The following ADAM12 variants were observed in gnomAD, a reference collection of about 807,000 sequenced individuals.
ADAM12 encodes the protein disintegrin and metalloproteinase domain-containing protein 12.
In ADAM12, 70 loss-of-function variants were observed where a neutral mutation model predicts 106.4. That is an observed-to-expected ratio of 0.66 (90% CI 0.54 to 0.80). The LOEUF is 0.80. ADAM12 is among the 30% of genes least tolerant of loss of function. ADAM12 has a pLI of 0.00. For missense variants in ADAM12, 1,010 were observed against 1,171.9 expected, an observed-to-expected ratio of 0.86 and a Z score of 2.02; for synonymous variants, 420 against 433.5, an observed-to-expected ratio of 0.97 and a Z score of 0.39.
At chr10:126,116,011 C>G (rs1014238748) in intron 6 of ADAM12, among the ~76,000 whole-genome samples, 15 of 152,206 alleles carry the variant, frequency 9.9e-5, no homozygotes, top group Non-Finnish European at 2.2e-4. Flanking sequence ...GGCATTGATG[C>G]CTTCCCTTTT....
rs556656260 is a variant in ADAM12, at chr10:126,039,446, G to A, written c.2105-17C>T. ...CTTGGTTATCTGAAACAAAACACATGGGGCTCACAGAAGGAGGCAGTTACA... is the reference window on the plus strand; with the variant it reads ...CTTGGTTATCTGAAACAAAACACATAGGGCTCACAGAAGGAGGCAGTTACA... On this transcript the variant is annotated splice_polypyrimidine_tract_variant and intron_variant, in intron 18 of 22. Coordinates refer to ENST00000448723, the MANE Select transcript of ADAM12 (RefSeq NM_001288973.2). The A allele has an allele frequency of 5.6e-5, 91 of 1,613,736 alleles. No individual in the cohort carries two copies. In the African/African-American group the frequency reaches 1.0e-3, roughly 18 times the overall value.
chr10:126,030,847 C>T (rs1953959611), intron 21 of ADAM12, among the ~76,000 whole-genome samples: 1 of 152,164 alleles, frequency 6.6e-6, no homozygotes, highest in Admixed American at 6.5e-5. Flanking sequence ...GGGGAATGGA[C>T]TCATTGTCAT....
chr10:126,297,378 AC>A (rs1386630100), intron 2 of ADAM12, among the ~76,000 whole-genome samples: 1 of 152,174 alleles, frequency 6.6e-6, no homozygotes, highest in African/African-American at 2.4e-5. Context: ...ACCCATCTCT[AC>A]AAAAAATTTT....
intron 2 of ADAM12, among the ~76,000 whole-genome samples, chr10:126,327,914 C>A (rs776048288): frequency 5.3e-5 from 8 of 152,152 alleles, no homozygotes; most frequent in African/African-American, 1.9e-4. Context: ...CTGTTGCTCC[C>A]GCATCACTCC....
At chr10:126,301,626 G>A (rs1960628025) in intron 2 of ADAM12, among the ~76,000 whole-genome samples, 1 of 152,118 alleles carries the variant, frequency 6.6e-6, no homozygotes, top group South Asian at 2.1e-4. Flanking sequence ...TTTTGGAGAA[G>A]CAGGTTGTAT....
intron 2 of ADAM12, among the ~76,000 whole-genome samples, chr10:126,319,466 C>T (rs983443836): frequency 2.6e-5 from 4 of 152,104 alleles, no homozygotes; most frequent in African/African-American, 9.7e-5. Flanking sequence ...AGCCCAGTCC[C>T]ATCATGAGAA....
chr10:126,359,264 G>A (rs753265769), intron 1 of ADAM12, among the ~76,000 whole-genome samples: 5 of 152,014 alleles, frequency 3.3e-5, no homozygotes, highest in African/African-American at 4.8e-5. Context: ...CTCCGAAATC[G>A]CATGTCCTCA....
chr10:126,251,590 AG>A (rs1781404302), intron 3 of ADAM12, among the ~76,000 whole-genome samples: 4 of 4,270 alleles, frequency 9.4e-4, no homozygotes, highest in Non-Finnish European at 1.8e-3. Context: ...ATGAACGGAC[AG>A]GATGGATAGG....
chr10:126,194,375 A>G (rs115965530), intron 3 of ADAM12, among the ~76,000 whole-genome samples: 2,931 of 152,102 alleles, frequency 0.019, 92 homozygotes, highest in African/African-American at 0.065. Flanking sequence ...GACAAATAAA[A>G]GGCAAGGAAT....
Position 126,107,100 on chromosome 10 carries a change from AAC to A in ADAM12, c.741+1491_741+1492del, listed in dbSNP as rs578198778. On this transcript the variant is annotated intron_variant, in intron 8 of 22. Transcript: ENST00000448723. ...TGCATGCAGGGCACACACACGTATGAACACACACATGAACACATATAGGAACA... is the reference window on the plus strand; with the variant it reads ...TGCATGCAGGGCACACACACGTATGAACACACATGAACACATATAGGAACA... 2.6e-4 allele frequency among the ~76,000 whole-genome samples: 39 copies of A among 152,242 alleles called. No homozygotes were observed. The East Asian group carries it at 5.0e-3, about 20-fold the overall frequency.
At position 126,015,488 on chromosome 10, in the gene ADAM12, TA is replaced by T. The variant is rs1380354722; in HGVS notation, c.*1790del. 6.6e-6 allele frequency: 1 copy of T among 152,244 alleles called. No individual in the cohort carries two copies. The allele number at this position is 152,244 out of a possible 1,614,324, so 9.4% of individuals were successfully genotyped here. A position where few individuals can be genotyped will look rare whatever the true frequency, so the allele number is the denominator to read the frequency against. On this transcript the variant is annotated 3_prime_UTR_variant, in exon 23 of 23. Coordinates refer to ENST00000448723, the MANE Select transcript of ADAM12 (RefSeq NM_001288973.2). ...TATTTTCCAGCATGGCTTTACATTT[TA>T]AAGAACTTAATAACTATAGAATAAA... is the stretch of plus-strand genomic sequence containing the variant.
chr10:126,121,140 A>ATATATAC (rs1956092268), intron 5 of ADAM12, among the ~76,000 whole-genome samples: 1 of 41,326 alleles, frequency 2.4e-5, no homozygotes, highest in African/African-American at 1.9e-4. Context: ...ACTATATACT[A>ATATATAC]TATATACTAT....
chr10:126,068,192 C>T (rs74821599), intron 12 of ADAM12, among the ~76,000 whole-genome samples: 3 of 152,110 alleles, frequency 2.0e-5, no homozygotes, highest in Admixed American at 6.5e-5. Flanking sequence ...AGTTTAGGAA[C>T]TTTTTTTAAA....
At chr10:126,045,971 G>A (rs1369467422) in intron 17 of ADAM12, 84 bp downstream of exon 17, 3 of 1,245,106 alleles carry the variant, frequency 2.4e-6, no homozygotes, top group Non-Finnish European at 3.5e-6. Flanking sequence ...AAAATGCTAT[G>A]GATTGCAAAA....
At chr10:126,150,121 A>G (rs1268928067) in intron 4 of ADAM12, among the ~76,000 whole-genome samples, 1 of 152,254 alleles carries the variant, frequency 6.6e-6, no homozygotes, top group Non-Finnish European at 1.5e-5. Flanking sequence ...TCACCATCAT[A>G]GATCGTGGAC....
intron 3 of ADAM12, among the ~76,000 whole-genome samples, chr10:126,203,688 T>A (rs1394850003): frequency 3.3e-5 from 5 of 152,204 alleles, no homozygotes; most frequent in Non-Finnish European, 7.3e-5. Context: ...ATCAAATATC[T>A]TTTGAGGTAA....
At chr10:126,321,230 T>C (rs1440388401) in intron 2 of ADAM12, among the ~76,000 whole-genome samples, 1 of 152,214 alleles carries the variant, frequency 6.6e-6, no homozygotes, top group Non-Finnish European at 1.5e-5. Flanking sequence ...TATTTTACAA[T>C]TTCTGTCTCA....
chr10:126,193,672 G>A (rs1338936691), intron 3 of ADAM12, among the ~76,000 whole-genome samples: 4 of 152,148 alleles, frequency 2.6e-5, no homozygotes, highest in African/African-American at 4.8e-5. Flanking sequence ...TGAAGCGAGT[G>A]GATCACATGA....
At chr10:126,286,165 A>G (rs1959849529) in intron 2 of ADAM12, among the ~76,000 whole-genome samples, 1 of 152,130 alleles carries the variant, frequency 6.6e-6, no homozygotes, top group Non-Finnish European at 1.5e-5. Flanking sequence ...GGGATGACAC[A>G]CAGCATCAGG....
Sources: allele counts gnomAD v4.1 joint callset (sites outside exome capture counted in the v4.1 genomes callset), GRCh38; gene constraint gnomAD v4.1.1; transcripts MANE v1.5; gene names NCBI Gene and HGNC (gene_info 2026-07-23, HGNC 2026-07-21).